The following UTRN variants were observed in gnomAD, a reference collection of about 807,000 sequenced individuals.
The protein encoded by UTRN is dystrophin-related protein 1.
A neutral mutation model predicts 463.9 loss-of-function variants in UTRN; 283 were observed. The ratio of observed to expected loss-of-function variants is 0.61; its 90% CI spans 0.55 to 0.67. The LOEUF (loss-of-function observed/expected upper bound fraction) is 0.67, where lower values mean the gene tolerates loss of function less well. Among genes scored for constraint, UTRN ranks in the 30% least tolerant of loss-of-function variants. UTRN has a pLI of 0.00. For missense variants in UTRN, 3,922 were observed against 4,084.3 expected (o/e 0.96, Z 1.08); for synonymous variants, 1,442 against 1,431.5 (o/e 1.01, Z -0.17).
intron 2 of UTRN, among the ~76,000 whole-genome samples, chr6:144,308,195 A>G (rs906692158): frequency 1.3e-5 from 2 of 152,170 alleles, no homozygotes; most frequent in African/African-American, 4.8e-5. Context: ...ATTTGGGTGT[A>G]AACATTGATG....
chr6:144,779,429 A>T (rs6939586), intron 60 of UTRN, among the ~76,000 whole-genome samples: 40,370 of 152,164 alleles, frequency 0.27, 6,562 homozygotes, highest in East Asian at 0.78. Flanking sequence ...ATGCTATGTA[A>T]TATATACTCT....
intron 44 of UTRN, 120 bp downstream of exon 44, chr6:144,537,837 G>T: frequency 7.2e-7 from 1 of 1,382,498 alleles, no homozygotes; most frequent in African/African-American, 1.5e-5. Context: ...GGTAAATGTG[G>T]TGAACCTGAA....
chr6:144,470,804 C>T (rs924750682), intron 23 of UTRN, among the ~76,000 whole-genome samples: 8 of 152,006 alleles, frequency 5.3e-5, no homozygotes, highest in Non-Finnish European at 8.8e-5. Context: ...GCTGGCAGAT[C>T]ACTCTCGGTC....
intron 54 of UTRN, among the ~76,000 whole-genome samples, chr6:144,741,200 A>G (rs938473033): frequency 6.6e-6 from 1 of 152,228 alleles, no homozygotes; most frequent in Non-Finnish European, 1.5e-5. Flanking sequence ...GTACATAAAC[A>G]TAAGCCATAT....
intron 53 of UTRN, among the ~76,000 whole-genome samples, chr6:144,710,943 T>G (rs944608260): frequency 2.0e-5 from 3 of 152,194 alleles, no homozygotes; most frequent in African/African-American, 7.2e-5. Context: ...ATTTTTTTCG[T>G]GTAAGTACAT....
At chr6:144,390,316 T>C (rs1781794113) in intron 2 of UTRN, among the ~76,000 whole-genome samples, 2 of 152,156 alleles carry the variant, frequency 1.3e-5, no homozygotes, top group Admixed American at 6.5e-5. Flanking sequence ...TTCTCTACTC[T>C]TTCAGGCTCG....
chr6:144,419,867 C>G (rs1244590669), intron 3 of UTRN, among the ~76,000 whole-genome samples: 1 of 152,064 alleles, frequency 6.6e-6, no homozygotes, highest in Non-Finnish European at 1.5e-5. Flanking sequence ...AAGAGTATCA[C>G]TTCCACTGAA....
chr6:144,565,308 G>T (rs1800304578), intron 50 of UTRN, among the ~76,000 whole-genome samples: 1 of 152,178 alleles, frequency 6.6e-6, no homozygotes, highest in Non-Finnish European at 1.5e-5. Flanking sequence ...ATGCCTGTTA[G>T]ATATCTAAGT....
intron 53 of UTRN, among the ~76,000 whole-genome samples, chr6:144,702,116 G>A (rs1302148400): frequency 6.6e-6 from 1 of 152,184 alleles, no homozygotes; most frequent in Non-Finnish European, 1.5e-5. Flanking sequence ...GATGTGCTCT[G>A]TAAGGAATAC....
chr6:144,662,976 A>G (rs1780017411), intron 51 of UTRN, among the ~76,000 whole-genome samples: 1 of 152,308 alleles, frequency 6.6e-6, no homozygotes, highest in Middle Eastern at 3.4e-3. Flanking sequence ...ACCTTGTCTC[A>G]GCATGTGTGA....
At position 144,496,591 on chromosome 6, in the gene UTRN, G is replaced by A. The variant is rs767069293; in HGVS notation, c.4594-2666G>A. ...TTATCATTTAAAGTTTCACTCAATC[G>A]AGATTTTACTCTGTGTCAGGAATTA... is the stretch of plus-strand genomic sequence containing the variant. On this transcript the variant is annotated intron_variant, in intron 33 of 74. Transcript: ENST00000367545. 4.2e-4 allele frequency among the ~76,000 whole-genome samples: 64 copies of A among 152,026 alleles called. 1 individual carries two copies. Among genetic ancestry groups the A allele is most frequent in the South Asian group, 4.2e-4 (2 of 4,812 alleles).
At chr6:144,294,454 A>C (rs1804512996) in intron 2 of UTRN, among the ~76,000 whole-genome samples, 1 of 152,182 alleles carries the variant, frequency 6.6e-6, no homozygotes, top group Non-Finnish European at 1.5e-5. Flanking sequence ...AGTCATAGGA[A>C]TTGTCTACAT....
chr6:144,550,723 AC>A (rs1798831070), intron 47 of UTRN, among the ~76,000 whole-genome samples: 1 of 152,138 alleles, frequency 6.6e-6, no homozygotes, highest in Admixed American at 6.5e-5. Context: ...TTTTGTGAAA[AC>A]AAAAACACAG....
chr6:144,487,745 G>T (rs772877419), intron 29 of UTRN, 48 bp downstream of exon 29: 1 of 1,533,774 alleles, frequency 6.5e-7, no homozygotes, highest in Non-Finnish European at 8.8e-7. Flanking sequence ...TGATGAAGTG[G>T]AGCTGGCCCT....
At chr6:144,442,489 A>C (rs1268445957) in intron 13 of UTRN, among the ~76,000 whole-genome samples, 3 of 152,226 alleles carry the variant, frequency 2.0e-5, no homozygotes, top group African/African-American at 7.2e-5. Context: ...TGATAAAAAC[A>C]TACCTGAGAC....
intron 51 of UTRN, among the ~76,000 whole-genome samples, chr6:144,633,512 G>A (rs1399487306): frequency 3.9e-5 from 6 of 152,164 alleles, no homozygotes; most frequent in Non-Finnish European, 5.9e-5. Context: ...GATTACAGGC[G>A]TGAGCCACCG....
chr6:144,756,445 G>A (rs1458421409), intron 57 of UTRN, among the ~76,000 whole-genome samples: 1 of 152,152 alleles, frequency 6.6e-6, no homozygotes, highest in African/African-American at 2.4e-5. Context: ...ATCCAAGGAG[G>A]TAGAAGTTAT....
intron 23 of UTRN, among the ~76,000 whole-genome samples, chr6:144,467,250 T>G (rs1790049687): frequency 6.6e-6 from 1 of 152,266 alleles, no homozygotes; most frequent in African/African-American, 2.4e-5. Context: ...TCTGCTCATC[T>G]GTCTTCAGCC....
intron 25 of UTRN, 62 bp downstream of exon 25, chr6:144,474,821 C>T: frequency 1.3e-6 from 2 of 1,548,526 alleles, no homozygotes; most frequent in Non-Finnish European, 1.7e-6. Flanking sequence ...CTTCTCTCAG[C>T]TGACTAAATG....
Sources: gnomAD v4.1 joint callset for allele counts (sites outside exome capture counted in the v4.1 genomes callset) on GRCh38, gnomAD v4.1.1 for gene constraint, MANE v1.5 for transcripts, NCBI Gene and HGNC (gene_info 2026-07-23, HGNC 2026-07-21) for gene names.